The following SLC19A1 variants were observed in gnomAD, a reference collection of about 807,000 sequenced individuals.
SLC19A1 encodes the protein reduced folate transporter.
SLC19A1 carries 37 observed loss-of-function variants against 35.3 expected under a neutral mutation model. The ratio of observed to expected loss-of-function variants is 1.05; its 90% CI spans 0.81 to 1.38. The LOEUF (loss-of-function observed/expected upper bound fraction) is 1.38, where lower values mean the gene tolerates loss of function less well. SLC19A1 is among the 40% of genes most tolerant of loss of function. The pLI is 0.00. For synonymous variants in SLC19A1, 460 were observed against 398.5 expected (o/e 1.15, Z -1.84); for missense variants, 831 against 826.9 (o/e 1.00, Z -0.06).
chr21:45,532,301 A>T (rs2077960223), intron 2 of SLC19A1, among the ~76,000 whole-genome samples, 153 bp from the exon 3 acceptor site: 2 of 152,172 alleles, frequency 1.3e-5, no homozygotes, highest in South Asian at 4.1e-4. Flanking sequence ...CCCATGTCCC[A>T]CTGCATCGTC....
chr21:45,504,312 C>T, intron 3 of SLC19A1: 1 of 1,192,254 alleles, frequency 8.4e-7, no homozygotes, highest in Non-Finnish European at 1.2e-6. Context: ...CAGGCCTGGG[C>T]TCCGGAAGCT....
At chr21:45,525,150 C>T (rs1261580838) in intron 5 of SLC19A1, among the ~76,000 whole-genome samples, 28 of 152,194 alleles carry the variant, frequency 1.8e-4, no homozygotes. Context: ...CAGGACTAAC[C>T]CTGACAGTCC....
rs1049475623 is a variant in SLC19A1 at position 45,515,789 on chromosome 21, A to G, written c.1645T>C (p.Cys549Arg). The G allele has an allele frequency of 1.9e-6, 3 of 1,613,386 alleles. No individual in the cohort carries two copies. The highest frequency in any genetic ancestry group is 2.7e-5 in the African/African-American group (2 of 74,918). Reference protein sequence around the residue: ...PVTTPSPCTLCSAQASGPEAA... With the variant: ...PVTTPSPCTLRSAQASGPEAA... The stretch of plus-strand genomic sequence containing the variant: ...TCAGGGCCTGAGGCTTGGGCGGAGC[A>G]CAGAGTGCAGGGGGAAGGGGTTGTC... Residue 549 changes from cysteine to arginine, a missense_variant, in exon 6 of 6, where the codon TGC (cysteine) becomes CGC (arginine). By Grantham distance (180) the Cys-to-Arg change is radical. Transcript: ENST00000311124.
chr21:45,540,602 A>AT lies in SLC19A1; in HGVS notation c.-50+1765dup, dbSNP rs2078273739. Among the ~76,000 whole-genome samples, 5 of 152,330 alleles carry AT rather than the reference A, an allele frequency of 3.3e-5. 1 individual carries two copies. In the South Asian group the frequency reaches 1.0e-3, roughly 32 times the overall value. On this transcript the variant is annotated intron_variant, in intron 1 of 5. Transcript: ENST00000311124. The surrounding 1 kb of genome is among the most constrained non-coding windows in gnomAD (Gnocchi z 5.5). The stretch of plus-strand genomic sequence containing the variant: ...GTAGCCCACTGACAGAGGCTTGGCC[A>AT]TCACGGCCCAGACCACCTCCAAGAG...
rs542422691 is a variant in SLC19A1, at chr21:45,530,754, C to A, written c.1151+16G>T. 5.2e-6 allele frequency: 8 copies of A among 1,550,082 alleles called. No individual in the cohort carries two copies. In the African/African-American group the frequency reaches 6.8e-5, roughly 13 times the overall value. ...GCGCCTGCCCGCCCCCGGCTTCCCA[C>A]CCTTCTGGAACTCACGTGGCGATGG... On this transcript the variant is annotated intron_variant, in intron 4 of 5. Coordinates refer to ENST00000311124, the MANE Select transcript of SLC19A1 (RefSeq NM_194255.4). The surrounding 1 kb of genome is among the most constrained non-coding windows in gnomAD (Gnocchi z 5.3).
intron 1 of SLC19A1, among the ~76,000 whole-genome samples, chr21:45,552,880 T>C (rs2078480706): frequency 6.6e-6 from 1 of 151,508 alleles, no homozygotes; most frequent in African/African-American, 2.4e-5. Flanking sequence ...GGCTGTGTGC[T>C]ATAATCCACG....
At chr21:45,557,458 T>C (rs953964597) in intron 1 of SLC19A1, among the ~76,000 whole-genome samples, 3 of 152,150 alleles carry the variant, frequency 2.0e-5, no homozygotes, top group African/African-American at 7.2e-5. Context: ...ACCTTGCTGG[T>C]AGTCTCTGTC....
rs2037728461 is a variant in SLC19A1 at position 45,513,498 on chromosome 21, A to G, written c.*2160T>C. 2 of 152,166 alleles carry G rather than the reference A, an allele frequency of 1.3e-5. No individual in the cohort carries two copies. The highest frequency in any genetic ancestry group is 2.4e-5 in the African/African-American group (1 of 41,408). 9.4% of individuals were successfully genotyped at this position (152,166 alleles called of 1,614,324 possible). A position where few individuals can be genotyped will look rare whatever the true frequency, so the allele number is the denominator to read the frequency against. ...AACAAAGCAGCCACGAGGTGCAACAAGGTCCTCTGTCAGTCACAGCCACCC... is the reference window on the plus strand; with the variant it reads ...AACAAAGCAGCCACGAGGTGCAACAGGGTCCTCTGTCAGTCACAGCCACCC... On this transcript the variant is annotated 3_prime_UTR_variant, in exon 6 of 6. Coordinates refer to ENST00000311124, the MANE Select transcript of SLC19A1 (RefSeq NM_194255.4).
downstream of SLC19A1, chr21:45,509,283 G>A: frequency 7.2e-6 from 11 of 1,529,362 alleles, no homozygotes; most frequent in Non-Finnish European, 9.6e-6. Context: ...ACCCAGCCCA[G>A]AGGAGGACAC....
At chr21:45,510,028 T>C (rs1326396483), downstream of SLC19A1, 6 of 1,536,808 alleles carry the variant, frequency 3.9e-6, no homozygotes, top group African/African-American at 6.8e-5. Flanking sequence ...GGGGGCAGCG[T>C]GGGACACAGC....
chr21:45,530,949 C>T lies in SLC19A1; in HGVS notation c.972G>A (p.Ala324=), dbSNP rs79091853. ...TLLGAITSFA[A]GFVKIRWARW... is the part of the protein sequence containing the mutation. ...GCGCCCAGCGGATCTTCACGAAGCC[C>T]GCGGCGAAGGACGTGATGGCGCCTG... Residue 324 remains alanine, a synonymous_variant, in exon 4 of 6, where the codon GCG becomes GCA. Transcript: ENST00000311124. The surrounding 1 kb of genome is among the most constrained non-coding windows in gnomAD (Gnocchi z 5.3). 23,381 of 1,433,842 alleles carry T rather than the reference C, an allele frequency of 0.016. 788 individuals carry two copies. The highest frequency in any genetic ancestry group is 0.1 in the South Asian group (7,051 of 67,200). The allele number at this position is 1,433,842 out of a possible 1,614,324, so 88.8% of individuals were successfully genotyped here.
chr21:45,507,593 G>T, downstream of SLC19A1: 1 of 1,612,986 alleles, frequency 6.2e-7, no homozygotes, highest in Non-Finnish European at 8.5e-7. Flanking sequence ...CACGAGGGAC[G>T]GTAAGGAGCC....
rs151154847 is a variant in SLC19A1, at chr21:45,525,432, A to T, written c.1293+385T>A. 4.8e-3 allele frequency among the ~76,000 whole-genome samples: 729 copies of T among 152,354 alleles called. 5 individuals carry two copies. Among genetic ancestry groups the T allele is most frequent in the South Asian group, 0.023 (111 of 4,834 alleles). On this transcript the variant is annotated intron_variant, in intron 5 of 5. Transcript: ENST00000311124. The stretch of plus-strand genomic sequence containing the variant: ...CACCCGCAGAGGCCTGCGCACTGAC[A>T]CTGCTGAGTGGCTCTGCTCAGCTCT...
Position 45,530,385 on chromosome 21 carries a change from CGTGTGGTGTGT to C in SLC19A1, c.1151+374_1151+384del, listed in dbSNP as rs1301941121. Among the ~76,000 whole-genome samples the C allele has an allele frequency of 2.0e-5, 3 of 150,528 alleles. No individual in the cohort carries two copies. Among genetic ancestry groups the C allele is most frequent in the Non-Finnish European group, 4.4e-5 (3 of 67,546 alleles). ...GAGTGTGTGTGTGTCCATGTGTGAG[CGTGTGGTGTGT>C]GTGTGGTGTGAGTGCCTGGTGTGAG... On this transcript the variant is annotated intron_variant, in intron 4 of 5. Coordinates refer to ENST00000311124, the MANE Select transcript of SLC19A1 (RefSeq NM_194255.4). This position sits in a 1 kb window ranked among gnomAD's most constrained non-coding sequence, Gnocchi z 5.3.
At chr21:45,551,996 T>C (rs1369313097) in intron 1 of SLC19A1, among the ~76,000 whole-genome samples, 1 of 152,198 alleles carries the variant, frequency 6.6e-6, no homozygotes, top group Non-Finnish European at 1.5e-5. Context: ...CTCGGCTTCC[T>C]GTGCGGCCTC....
In SLC19A1 at chr21:45,513,304, G is replaced by C. The variant is rs1602673081; in HGVS notation, c.*2354C>G. On this transcript the variant is annotated 3_prime_UTR_variant, in exon 6 of 6. Coordinates refer to ENST00000311124, the MANE Select transcript of SLC19A1 (RefSeq NM_194255.4). ...GGCTGAGGCTGGCACAGGACATGCG[G>C]TAGCCAGCACACAGGGCAGTGAGGG... The C allele has an allele frequency of 6.6e-6, 1 of 152,438 alleles. No homozygotes were observed. Among genetic ancestry groups the C allele is most frequent in the East Asian group, 1.9e-4 (1 of 5,184 alleles). 9.4% of individuals were successfully genotyped at this position (152,438 alleles called of 1,614,324 possible). A position where few individuals can be genotyped will look rare whatever the true frequency, so the allele number is the denominator to read the frequency against.
Position 45,534,179 on chromosome 21 carries a change from G to A in SLC19A1, c.190-2031C>T, listed in dbSNP as rs1030443987. 9.2e-5 allele frequency among the ~76,000 whole-genome samples: 14 copies of A among 152,232 alleles called. No homozygotes were observed. Among genetic ancestry groups the A allele is most frequent in the Non-Finnish European group, 1.0e-4 (7 of 68,034 alleles). ...CAGAGAGCCTCAGGGCCAGCCATCG[G>A]CTTCTGCACTGTGTTTACAGCAATG... On this transcript the variant is annotated intron_variant, in intron 2 of 5. Coordinates refer to ENST00000311124, the MANE Select transcript of SLC19A1 (RefSeq NM_194255.4). This position sits in a 1 kb window ranked among gnomAD's most constrained non-coding sequence, Gnocchi z 4.2.
In SLC19A1 at chr21:45,558,659, C is replaced by T. The variant is rs114958138; in HGVS notation, c.-50+4083G>A. ...AGCGGAGCTGCTACAGGAAGCCCTG[C>T]GGCTGGGAATCTGAGGGAGTCGGGG... On this transcript the variant is annotated intron_variant, in intron 1 of 5. Transcript: ENST00000650808. Among the ~76,000 whole-genome samples the T allele has an allele frequency of 4.0e-3, 604 of 152,268 alleles. 4 individuals carry two copies. The highest frequency in any genetic ancestry group is 0.014 in the African/African-American group (563 of 41,544).
rs11284347 is a variant in SLC19A1, at chr21:45,515,163, TAAAAAAAA to T, written c.*487_*494del. On this transcript the variant is annotated 3_prime_UTR_variant, in exon 6 of 6. Coordinates refer to ENST00000311124, the MANE Select transcript of SLC19A1 (RefSeq NM_194255.4). Reference sequence around the variant, plus strand: ...ATGCAGTTCTTCATTCTACGTCAGTTAAAAAAAAAAAAAGCATCTTTCAAAAAAGCAAG... The same window carrying T: ...ATGCAGTTCTTCATTCTACGTCAGTTAAAAAGCATCTTTCAAAAAAGCAAG... 1 of 1,455,256 alleles carries T rather than the reference TAAAAAAAA, an allele frequency of 6.9e-7. No homozygotes were observed. The highest frequency in any genetic ancestry group is 1.5e-5 in the African/African-American group (1 of 66,624). 90.1% of individuals were successfully genotyped at this position (1,455,256 alleles called of 1,614,324 possible).
Sources: gnomAD v4.1 joint callset for allele counts (sites outside exome capture counted in the v4.1 genomes callset) on GRCh38, gnomAD v4.1.1 for gene constraint, Gnocchi (gnomAD v3.1) non-coding constraint, MANE v1.5 for transcripts, NCBI Gene and HGNC (gene_info 2026-07-23, HGNC 2026-07-21) for gene names.